Variants in ZNF395 observed in about 807,000 individuals in gnomAD.
ZNF395 encodes the protein HD gene regulatory region-binding protein 2.
In ZNF395, 20 loss-of-function variants were observed where a neutral mutation model predicts 57.7. The observed-to-expected ratio is 0.35, with a 90% CI of 0.24 to 0.50. The LOEUF is 0.50. ZNF395 is among the 20% of genes least tolerant of loss of function. The probability of loss-of-function intolerance (pLI) is 0.97; values close to 1 mark genes in which losing one functional copy is unlikely to be tolerated. For missense variants in ZNF395, 606 were observed against 671.2 expected, an observed-to-expected ratio of 0.90 and a Z score of 1.07; for synonymous variants, 295 against 275.9, an observed-to-expected ratio of 1.07 and a Z score of -0.69.
At chr8:28,376,432 C>A (rs762267327) in intron 1 of ZNF395, among the ~76,000 whole-genome samples, 32 of 152,106 alleles carry the variant, frequency 2.1e-4, no homozygotes, top group Non-Finnish European at 3.7e-4. Flanking sequence ...GCCTGGCCAT[C>A]ATGGTGAAAC....
chr8:28,356,855 A>G lies in ZNF395; in HGVS notation c.474-76T>C. ...CATGGTCCTTGCAAAACGAGACACCACTTCTGGCTGGTTTCACACAATCAT... is the reference window on the plus strand; with the variant it reads ...CATGGTCCTTGCAAAACGAGACACCGCTTCTGGCTGGTTTCACACAATCAT... On this transcript the variant is annotated intron_variant, in intron 3 of 9. Transcript: ENST00000344423. The surrounding 1 kb of genome is among the most constrained non-coding windows in gnomAD (Gnocchi z 4.0). The G allele has an allele frequency of 8.4e-7, 1 of 1,188,580 alleles. No homozygotes were observed. The highest frequency in any genetic ancestry group is 2.2e-5 in the Admixed American group (1 of 46,070). The allele number at this position is 1,188,580 out of a possible 1,614,324, so 73.6% of individuals were successfully genotyped here. A position where few individuals can be genotyped will look rare whatever the true frequency, so the allele number is the denominator to read the frequency against.
intron 2 of ZNF395, 26 bp downstream of exon 2, chr8:28,360,859 A>C (rs759810263): frequency 9.9e-6 from 16 of 1,610,856 alleles, no homozygotes; most frequent in East Asian, 6.7e-5. Context: ...AAGACGGGAC[A>C]CCTGTCCATG....
chr8:28,364,895 C>T (rs1035718852), intron 1 of ZNF395, among the ~76,000 whole-genome samples: 2 of 152,222 alleles, frequency 1.3e-5, no homozygotes, highest in African/African-American at 4.8e-5. Flanking sequence ...TAAAGGTCAA[C>T]GCTTTAATCT....
intron 1 of ZNF395, among the ~76,000 whole-genome samples, chr8:28,373,950 A>C (rs1802007552): frequency 6.6e-6 from 1 of 152,160 alleles, no homozygotes; most frequent in South Asian, 2.1e-4. Flanking sequence ...CAAGAACCCT[A>C]CGGCCCAGCA....
intron 1 of ZNF395, among the ~76,000 whole-genome samples, chr8:28,371,768 G>C (rs776433179): frequency 5.3e-5 from 8 of 152,306 alleles, no homozygotes; most frequent in Non-Finnish European, 1.0e-4. Context: ...CAGACTTCCG[G>C]CTGGGCGCAG....
Position 28,351,671 on chromosome 8 carries a change from G to A in ZNF395, c.1057C>T (p.Pro353Ser). 1 of 1,612,650 alleles carries A rather than the reference G, an allele frequency of 6.2e-7. No homozygotes were observed. The highest frequency in any genetic ancestry group is 8.5e-7 in the Non-Finnish European group (1 of 1,179,912). The change falls in exon 7 of 10, where the codon CCA (proline) becomes TCA (serine). Residue 353 changes from proline (P) to serine (S), a missense_variant. Physicochemically the swap from Pro to Ser is moderately conservative, Grantham distance 74. This residue lies in a region of ZNF395 where 261 missense variants were observed against 240.3 expected (regional missense o/e 1.09). Coordinates refer to ENST00000344423, the MANE Select transcript of ZNF395 (RefSeq NM_018660.3). The part of the protein sequence containing the change: ...TPVPGTPTSE[P>S]APTPSMTGLP... ...CCAGTCATGCTGGGGGTGGGAGCTG[G>A]CTCGGAGGTGGGAGTCCCAGGGACT...
At chr8:28,386,216 A>C (rs1802179030) in intron 1 of ZNF395, 177 bp downstream of exon 1, 1 of 149,804 alleles carries the variant, frequency 6.7e-6, no homozygotes, top group South Asian at 2.1e-4. Context: ...GCGCTCACGT[A>C]CGCGGCCGCG....
At position 28,348,764 on chromosome 8, in the gene ZNF395, G is replaced by A. The variant is rs1322272851; in HGVS notation, c.1497C>T (p.Cys499=). ...AGGCCTTCTTCCACCGGCAGGCCGTGCACCACTGGTCCCGGTGCTCGATGC... is the reference window on the plus strand; with the variant it reads ...AGGCCTTCTTCCACCGGCAGGCCGTACACCACTGGTCCCGGTGCTCGATGC... The part of the protein sequence containing the change: ...VYGIEHRDQW[C]TACRWKKACQ... The change falls in exon 10 of 10, where the codon TGC becomes TGT. Residue 499 remains cysteine, a synonymous_variant. Coordinates refer to ENST00000344423, the MANE Select transcript of ZNF395 (RefSeq NM_018660.3). 1.2e-6 allele frequency: 2 copies of A among 1,614,106 alleles called. No homozygotes were observed. The highest frequency in any genetic ancestry group is 1.7e-5 in the Admixed American group (1 of 60,036).
intron 1 of ZNF395, among the ~76,000 whole-genome samples, chr8:28,374,538 T>C (rs1802018330): frequency 1.3e-5 from 2 of 152,134 alleles, no homozygotes; most frequent in Non-Finnish European, 2.9e-5. Context: ...TTGGGGGCAA[T>C]TTCACCCTGA....
chr8:28,369,479 A>G (rs987025280), intron 1 of ZNF395, among the ~76,000 whole-genome samples: 11 of 152,230 alleles, frequency 7.2e-5, no homozygotes, highest in Admixed American at 2.0e-4. Context: ...TTGCTGGTCA[A>G]AATGAACCAA....
At chr8:28,363,209 G>A (rs1801871658) in intron 1 of ZNF395, among the ~76,000 whole-genome samples, 1 of 150,892 alleles carries the variant, frequency 6.6e-6, no homozygotes, top group Non-Finnish European at 1.5e-5. Flanking sequence ...TCAGCTCACT[G>A]CAACCTCTGC....
chr8:28,352,393 C>A lies in ZNF395; in HGVS notation c.920+180G>T, dbSNP rs1433458127. Among the ~76,000 whole-genome samples, 1 of 152,212 alleles carries A rather than the reference C, an allele frequency of 6.6e-6. No individual in the cohort carries two copies. Among genetic ancestry groups the A allele is most frequent in the Non-Finnish European group, 1.5e-5 (1 of 68,042 alleles). ...CCCAAGATGGACAGAGCTCCCTTCC[C>A]ATCAACAGCAACAATGTTCACCAGG... On this transcript the variant is annotated intron_variant, in intron 6 of 9. Coordinates refer to ENST00000344423, the MANE Select transcript of ZNF395 (RefSeq NM_018660.3). This position sits in a 1 kb window ranked among gnomAD's most constrained non-coding sequence, Gnocchi z 4.0.
Position 28,356,659 on chromosome 8 carries a change from C to T in ZNF395, c.583+11G>A, listed in dbSNP as rs199746046. ...CCATGCCCAGAACCCAGCTGGGCCC[C>T]GCTTGCTCACCAGAGAAGTTGGCCT... On this transcript the variant is annotated intron_variant, in intron 4 of 9. Transcript: ENST00000344423. The surrounding 1 kb of genome is among the most constrained non-coding windows in gnomAD (Gnocchi z 4.0). 291 of 1,611,620 alleles carry T rather than the reference C, an allele frequency of 1.8e-4. No individual in the cohort carries two copies. The African/African-American group carries it at 3.2e-3, about 18-fold the overall frequency.
chr8:28,346,134 A>G lies in ZNF395; in HGVS notation c.*2585T>C, dbSNP rs1223526539. The G allele has an allele frequency of 6.6e-6, 1 of 152,202 alleles. No individual in the cohort carries two copies. Among genetic ancestry groups the G allele is most frequent in the Non-Finnish European group, 1.5e-5 (1 of 68,032 alleles). The allele number at this position is 152,202 out of a possible 1,614,324, so 9.4% of individuals were successfully genotyped here. Reference sequence around the variant, plus strand: ...GCCCCAGACTCTGAATATGATTCCAAGAAATATTCTGAAAAAAGTCACATC... The same window carrying G: ...GCCCCAGACTCTGAATATGATTCCAGGAAATATTCTGAAAAAAGTCACATC... On this transcript the variant is annotated 3_prime_UTR_variant, in exon 10 of 10. Coordinates refer to ENST00000344423, the MANE Select transcript of ZNF395 (RefSeq NM_018660.3).
At position 28,348,629 on chromosome 8, in the gene ZNF395, T is replaced by C. The variant is rs1049500422; in HGVS notation, c.*90A>G. ...AAACTCCGTGTTTCCGTTCTTTCTC[T>C]TTCGGTTTCTGCTGAGGGCTGGTGA... On this transcript the variant is annotated 3_prime_UTR_variant, in exon 10 of 10. Coordinates refer to ENST00000344423, the MANE Select transcript of ZNF395 (RefSeq NM_018660.3). 3 of 1,201,656 alleles carry C rather than the reference T, an allele frequency of 2.5e-6. No individual in the cohort carries two copies. In the Admixed American group the frequency reaches 5.4e-5, roughly 22 times the overall value. 74.4% of individuals were successfully genotyped at this position (1,201,656 alleles called of 1,614,324 possible).
rs1801646032 is a variant in ZNF395, at chr8:28,349,133, A to G, written c.1422T>C (p.Ser474=). The G allele has an allele frequency of 6.4e-7, 1 of 1,565,164 alleles. No homozygotes were observed. The highest frequency in any genetic ancestry group is 1.4e-5 in the African/African-American group (1 of 73,010). ...LIVTSPPRAQ[S]GARKARGEAK... is the part of the protein sequence containing the mutation. ...GACAGCGGACATCTCACCTGGCACC[A>G]CTCTGGGCCCGGGGTGGAGAAGTGA... Residue 474 remains serine (S), a synonymous_variant, in exon 9 of 10, where the codon AGT becomes AGC. Transcript: ENST00000344423.
At position 28,360,053 on chromosome 8, in the gene ZNF395, G is replaced by C. The variant is rs547129672; in HGVS notation, c.241-229C>G. Among the ~76,000 whole-genome samples the C allele has an allele frequency of 7.2e-5, 11 of 152,318 alleles. No homozygotes were observed. The South Asian group carries it at 2.3e-3, about 32-fold the overall frequency. On this transcript the variant is annotated intron_variant, in intron 2 of 9. Transcript: ENST00000344423. ...TCCTTATCAGCTCTCTAGACTGGCA[G>C]ACAGCAAACATGTCAGTTTCTGGGA...
chr8:28,356,872 C>T lies in ZNF395; in HGVS notation c.474-93G>A. On this transcript the variant is annotated intron_variant, in intron 3 of 9. Transcript: ENST00000344423. The surrounding 1 kb of genome is among the most constrained non-coding windows in gnomAD (Gnocchi z 4.0). ...GAGACACCACTTCTGGCTGGTTTCA[C>T]ACAATCATCTTACACTTCTGGACTG... The T allele has an allele frequency of 1.0e-6, 1 of 995,044 alleles. No individual in the cohort carries two copies. The highest frequency in any genetic ancestry group is 1.5e-6 in the Non-Finnish European group (1 of 661,290). 61.6% of individuals were successfully genotyped at this position (995,044 alleles called of 1,614,324 possible).
intron 1 of ZNF395, among the ~76,000 whole-genome samples, chr8:28,374,068 T>C (rs941565855): frequency 6.6e-6 from 1 of 152,146 alleles, no homozygotes; most frequent in African/African-American, 2.4e-5. Flanking sequence ...GATCTGGAAA[T>C]GACTGAAGTG....
Sources: gnomAD v4.1 joint callset for allele counts (sites outside exome capture counted in the v4.1 genomes callset) on GRCh38, gnomAD v4.1.1 for gene constraint, gnomAD v4.1.1 regional missense constraint, Gnocchi (gnomAD v3.1) non-coding constraint, MANE v1.5 for transcripts, NCBI Gene and HGNC (gene_info 2026-07-23, HGNC 2026-07-21) for gene names.